MAN1B1: variants seen among roughly 807,000 people sequenced by gnomAD.
The protein encoded by MAN1B1 is mannosidase alpha class 1B member 1, also known as endoplasmic reticulum mannosyl-oligosaccharide 1,2-alpha-mannosidase.
Under a neutral mutation model 75.5 loss-of-function variants are expected in MAN1B1, and 66 were observed. The observed-to-expected ratio is 0.87, with a 90% CI of 0.72 to 1.07. The LOEUF (loss-of-function observed/expected upper bound fraction) is 1.07, where lower values mean the gene tolerates loss of function less well. MAN1B1 is among the 50% of genes least tolerant of loss of function. The probability of loss-of-function intolerance (pLI) is 0.00; values close to 1 mark genes in which losing one functional copy is unlikely to be tolerated. For missense variants in MAN1B1, 973 were observed against 912.5 expected (o/e 1.07, Z -0.85); for synonymous variants, 453 against 382.8 (o/e 1.18, Z -2.14).
Position 137,102,004 on chromosome 9 carries a change from TACAC to T in MAN1B1, c.1254+336_1254+339del, listed in dbSNP as rs775664891. ...TTGCAGGAGTACAGGTCGGTGGTGT[TACAC>T]ACATTCATGCTGTTGCAGGCGTGCA... On this transcript the variant is annotated intron_variant, in intron 8 of 12. Transcript: ENST00000371589. 3.9e-4 allele frequency: 201 copies of T among 511,092 alleles called. 1 individual carries two copies. Among genetic ancestry groups the T allele is most frequent in the East Asian group, 2.7e-3 (54 of 19,904 alleles). 31.7% of individuals were successfully genotyped at this position (511,092 alleles called of 1,614,324 possible).
intron 8 of MAN1B1, chr9:137,102,513 C>T (rs1830883496): frequency 4.9e-6 from 2 of 408,932 alleles, no homozygotes; most frequent in Admixed American, 5.5e-5. Context: ...GTGTTACACA[C>T]ATTCACGCTG....
rs1449925261 is a variant in MAN1B1 at position 137,097,916 on chromosome 9, G to A, written c.709G>A (p.Ala237Thr). The stretch of plus-strand genomic sequence containing the variant: ...GCCCACCAAGCCTCCCCTGCCACCG[G>A]CCAGGACACAGGGCACACCAGGTGA... The part of the protein sequence containing the change: ...EVPTKPPLPP[A>T]RTQGTPVHLN... Residue 237 changes from alanine (A) to threonine (T), a missense_variant, in exon 5 of 13, where the codon GCC becomes ACC. By Grantham distance (58) the Ala-to-Thr change is moderately conservative. Transcript: ENST00000371589. 1.9e-6 allele frequency: 3 copies of A among 1,558,614 alleles called. No individual in the cohort carries two copies. Among genetic ancestry groups the A allele is most frequent in the South Asian group, 2.4e-5 (2 of 84,416 alleles).
At chr9:137,102,865 T>C in intron 8 of MAN1B1, 1 of 427,002 alleles carries the variant, frequency 2.3e-6, no homozygotes, top group East Asian at 7.8e-5. Context: ...TGCAGGTCGG[T>C]GGTGTTACAT....
At chr9:137,091,875 C>T (rs986655636) in intron 3 of MAN1B1, among the ~76,000 whole-genome samples, 18 of 152,158 alleles carry the variant, frequency 1.2e-4, no homozygotes, top group African/African-American at 4.1e-4. Flanking sequence ...CCAGACTGGT[C>T]TCCAACTCCT....
rs777805866 is a variant in MAN1B1 at position 137,088,109 on chromosome 9, T to G, written c.254T>G (p.Met85Arg). 2.5e-5 allele frequency: 40 copies of G among 1,614,100 alleles called. No homozygotes were observed. The highest frequency in any genetic ancestry group is 3.1e-5 in the Non-Finnish European group (37 of 1,180,028). The change falls in exon 2 of 13, where the codon ATG (methionine) becomes AGG (arginine). Residue 85 changes from methionine (M) to arginine (R), a missense_variant. Physicochemically the swap from Met to Arg is moderately conservative, Grantham distance 91. Transcript: ENST00000371589. ...WKQLSRLQRN[M>R]ILFLLAFLLF... ...CAACTGTCGAGATTGCAGCGGAATA[T>G]GATTCTCTTCCTCCTTGCCTTTCTG...
intron 12 of MAN1B1, chr9:137,107,918 T>C: frequency 3.1e-6 from 2 of 650,668 alleles, no homozygotes; most frequent in Non-Finnish European, 2.8e-6. Context: ...TCAGGGCCTG[T>C]CTAGGGAGGG....
At chr9:137,100,245 C>T (rs572304187) in intron 6 of MAN1B1, among the ~76,000 whole-genome samples, 1 of 152,326 alleles carries the variant, frequency 6.6e-6, no homozygotes, top group Non-Finnish European at 1.5e-5. Context: ...AGCACATCCA[C>T]TTTGAATTGG....
intron 10 of MAN1B1, 180 bp from the exon 11 acceptor site, chr9:137,107,070 G>A: frequency 1.3e-6 from 1 of 776,052 alleles, no homozygotes. Context: ...GTGTGTGGGG[G>A]CCGGGTTGGA....
At chr9:137,093,650 G>A (rs554773926) in intron 3 of MAN1B1, among the ~76,000 whole-genome samples, 32 of 151,914 alleles carry the variant, frequency 2.1e-4, no homozygotes, top group African/African-American at 7.5e-4. Context: ...CTAACACAGT[G>A]AAACCCCGTC....
chr9:137,087,097 C>T lies in MAN1B1; in HGVS notation c.98C>T (p.Thr33Ile). The T allele has an allele frequency of 6.3e-7, 1 of 1,598,640 alleles. No individual in the cohort carries two copies. Among genetic ancestry groups the T allele is most frequent in the Non-Finnish European group, 8.5e-7 (1 of 1,174,510 alleles). Residue 33 changes from threonine to isoleucine, a missense_variant, in exon 1 of 13, where the codon ACC (threonine) becomes ATC (isoleucine). Transcript: ENST00000371589. ...GGCGGGGCCCCTTGGGCCGTCGCCA[C>T]CACTGTAGTCATGTACCCACCGCCG... ...PVGGAPWAVA[T>I]TVVMYPPPPP... is the part of the protein sequence containing the mutation.
In MAN1B1 at chr9:137,101,884, C is replaced by T. The variant is rs1373045988; in HGVS notation, c.1254+212C>T. 7.3e-6 allele frequency: 5 copies of T among 689,110 alleles called. No individual in the cohort carries two copies. The South Asian group carries it at 7.7e-5, about 11-fold the overall frequency. 42.7% of individuals were successfully genotyped at this position (689,110 alleles called of 1,614,324 possible). A position where few individuals can be genotyped will look rare whatever the true frequency, so the allele number is the denominator to read the frequency against. On this transcript the variant is annotated intron_variant, in intron 8 of 12. Coordinates refer to ENST00000371589, the MANE Select transcript of MAN1B1 (RefSeq NM_016219.5). The stretch of plus-strand genomic sequence containing the variant: ...GCAGGCGTGCAGGTCGGTGGTGTTA[C>T]ACACATTCACACTGTTGCAGGCGTG...
chr9:137,106,320 G>A lies in MAN1B1; in HGVS notation c.1445+5G>A. On this transcript the variant is annotated splice_donor_5th_base_variant and intron_variant, in intron 9 of 12. Coordinates refer to ENST00000371589, the MANE Select transcript of MAN1B1 (RefSeq NM_016219.5). ...GGGCGGGAAGCAGGAGACACAGTGA[G>A]GCCCGGCCCGCTGCCCCCAGCTCCC... 9 of 1,546,710 alleles carry A rather than the reference G, an allele frequency of 5.8e-6. No individual in the cohort carries two copies. The highest frequency in any genetic ancestry group is 7.9e-6 in the Non-Finnish European group (9 of 1,145,460).
chr9:137,098,041 G>T, intron 5 of MAN1B1, 104 bp downstream of exon 5: 1 of 834,534 alleles, frequency 1.2e-6, no homozygotes, highest in Non-Finnish European at 2.0e-6. Context: ...CCGCCCTGGT[G>T]TGCACCTTGC....
chr9:137,090,305 G>T (rs1306476177), intron 3 of MAN1B1, among the ~76,000 whole-genome samples: 1 of 152,156 alleles, frequency 6.6e-6, no homozygotes, highest in Non-Finnish European at 1.5e-5. Context: ...TGCCTTGGGA[G>T]CTTCACCTGT....
chr9:137,108,162 G>A (rs1170812721), intron 12 of MAN1B1: 1 of 615,040 alleles, frequency 1.6e-6, no homozygotes, highest in Non-Finnish European at 2.9e-6. Context: ...CCCAGGTTCT[G>A]GGGGAGGCGG....
In MAN1B1 at chr9:137,107,393, G is replaced by A. The variant is rs144271949; in HGVS notation, c.1710G>A (p.Glu570=). ...NRQMETGLSP[E]IVHFNLYPQP... ...AGATGGAGACGGGGCTGAGTCCCGAGATCGTGCACTTCAACCTTTACCCCC... is the reference window on the plus strand; with the variant it reads ...AGATGGAGACGGGGCTGAGTCCCGAAATCGTGCACTTCAACCTTTACCCCC... The change falls in exon 11 of 13, where the codon GAG becomes GAA. Residue 570 remains glutamate (E), a synonymous_variant. Transcript: ENST00000371589. 3.6e-4 allele frequency: 587 copies of A among 1,613,466 alleles called. 1 individual carries two copies. In the African/African-American group the frequency reaches 6.9e-3, roughly 19 times the overall value.
chr9:137,099,622 C>G, intron 5 of MAN1B1, 74 bp from the exon 6 acceptor site: 1 of 1,519,854 alleles, frequency 6.6e-7, no homozygotes, highest in Non-Finnish European at 9.1e-7. Flanking sequence ...CAGCAGTGCT[C>G]TGCCTGAGGG....
intron 8 of MAN1B1, chr9:137,102,344 G>A: frequency 6.8e-6 from 3 of 441,300 alleles, no homozygotes; most frequent in South Asian, 3.2e-5. Flanking sequence ...CAGGCGTGCA[G>A]GTCGGTGGTG....
chr9:137,088,871 C>T lies in MAN1B1; in HGVS notation c.331C>T (p.Leu111=). 1.9e-6 allele frequency: 3 copies of T among 1,613,932 alleles called. No homozygotes were observed. The highest frequency in any genetic ancestry group is 2.5e-6 in the Non-Finnish European group (3 of 1,180,036). ...ATAAAATAGCTTCTGTTATTCAGCT[C>T]TGGCTTTCAGGCTAGAGGAAGAGCA... ...YINLADHWKA[L]AFRLEEEQKM... is the part of the protein sequence containing the mutation. The change falls in exon 3 of 13, where the codon CTG becomes TTG. Residue 111 remains leucine, a splice_region_variant and synonymous_variant. Transcript: ENST00000371589.
Sources: gnomAD v4.1 joint callset for allele counts (sites outside exome capture counted in the v4.1 genomes callset) on GRCh38, gnomAD v4.1.1 for gene constraint, MANE v1.5 for transcripts, NCBI Gene and HGNC (gene_info 2026-07-23, HGNC 2026-07-21) for gene names.